The following CPAMD8 variants were observed in gnomAD, a reference collection of about 807,000 sequenced individuals.
CPAMD8 encodes the protein C3 and PZP like alpha-2-macroglobulin domain containing 8.
CPAMD8 carries 146 observed loss-of-function variants against 224.7 expected under a neutral mutation model. That is an observed-to-expected ratio of 0.65 (90% CI 0.57 to 0.75). CPAMD8 has a LOEUF of 0.75. Among genes scored for constraint, CPAMD8 ranks in the 30% least tolerant of loss-of-function variants. The probability of loss-of-function intolerance (pLI) is 0.00; values close to 1 mark genes in which losing one functional copy is unlikely to be tolerated. For missense variants in CPAMD8, 2,301 were observed against 2,537.5 expected, an observed-to-expected ratio of 0.91 and a Z score of 2.00; for synonymous variants, 966 against 1,044.6, an observed-to-expected ratio of 0.92 and a Z score of 1.45.
intron 26 of CPAMD8, among the ~76,000 whole-genome samples, chr19:16,923,266 C>T (rs551099367): frequency 5.3e-5 from 8 of 152,300 alleles, no homozygotes; most frequent in South Asian, 2.1e-4. Flanking sequence ...GCCAGTGGAC[C>T]GTAGGGTCTG....
chr19:17,007,259 G>C (rs1260764758), intron 7 of CPAMD8, among the ~76,000 whole-genome samples: 1 of 151,962 alleles, frequency 6.6e-6, no homozygotes, highest in Admixed American at 6.6e-5. Flanking sequence ...GCTTGAACCC[G>C]GGAGGCGGAG....
intron 19 of CPAMD8, 145 bp from the exon 20 acceptor site, chr19:16,952,345 C>A: frequency 3.2e-6 from 2 of 628,744 alleles, no homozygotes; most frequent in African/African-American, 1.9e-5. Context: ...ATCACAAAAG[C>A]GGCAACAGGA....
intron 41 of CPAMD8, 133 bp downstream of exon 41, chr19:16,896,043 A>C: frequency 2.1e-6 from 2 of 955,792 alleles, no homozygotes; most frequent in East Asian, 2.4e-5. Flanking sequence ...ACCCTGAGTC[A>C]CTCCCACTGC....
At chr19:16,931,326 C>A (rs183403950) in intron 23 of CPAMD8, among the ~76,000 whole-genome samples, 1 of 152,160 alleles carries the variant, frequency 6.6e-6, no homozygotes, top group African/African-American at 2.4e-5. Context: ...TCACCACAGC[C>A]GGCACCTGAG....
chr19:16,952,526 A>C (rs909009991), intron 19 of CPAMD8, among the ~76,000 whole-genome samples: 4 of 152,100 alleles, frequency 2.6e-5, no homozygotes, highest in African/African-American at 7.2e-5. Context: ...AAAATTTAAA[A>C]ATTAGGTGGG....
At chr19:17,002,438 C>A in intron 8 of CPAMD8, 88 bp from the exon 9 acceptor site, 1 of 806,718 alleles carries the variant, frequency 1.2e-6, no homozygotes, top group South Asian at 1.5e-5. Context: ...TGTCTGAGGA[C>A]CACAGCACCT....
chr19:16,939,049 A>G (rs2053790225), intron 22 of CPAMD8, among the ~76,000 whole-genome samples: 2 of 152,182 alleles, frequency 1.3e-5, no homozygotes, highest in Admixed American at 1.3e-4. Flanking sequence ...TCTGACCAAC[A>G]CGGCCCCTGT....
At position 16,929,082 on chromosome 19, in the gene CPAMD8, G is replaced by A. The variant is rs201306339; in HGVS notation, c.3004C>T (p.Leu1002=). The change falls in exon 24 of 42, where the codon CTG becomes TTG. Residue 1002 remains leucine, a synonymous_variant. Transcript: ENST00000443236. The stretch of plus-strand genomic sequence containing the variant: ...GACCTGGTGTTCTGATGCCCCCCCA[G>A]GACGATCTCGATCATGCCTGCTGTG... ...QDTAGMIEIV[L]GGHQNTRSWI... is the part of the protein sequence containing the mutation. The A allele has an allele frequency of 1.3e-4, 214 of 1,614,060 alleles. No individual in the cohort carries two copies. Among genetic ancestry groups the A allele is most frequent in the Admixed American group, 3.3e-4 (20 of 60,012 alleles).
At chr19:16,946,824 T>C (rs1381395940) in intron 21 of CPAMD8, among the ~76,000 whole-genome samples, 1 of 152,146 alleles carries the variant, frequency 6.6e-6, no homozygotes, top group Non-Finnish European at 1.5e-5. Flanking sequence ...TCTGCATGTG[T>C]GTGTGCTACA....
chr19:16,945,373 A>G (rs2054035454), intron 22 of CPAMD8, among the ~76,000 whole-genome samples, 176 bp downstream of exon 22: 1 of 152,170 alleles, frequency 6.6e-6, no homozygotes, highest in African/African-American at 2.4e-5. Flanking sequence ...ACGGACTACC[A>G]TGATCCTCTA....
chr19:16,982,223 A>G (rs2055540095), intron 13 of CPAMD8, among the ~76,000 whole-genome samples: 2 of 152,080 alleles, frequency 1.3e-5, no homozygotes, highest in South Asian at 4.1e-4. Flanking sequence ...GTGAAACCCC[A>G]TCTCTACAAA....
intron 23 of CPAMD8, among the ~76,000 whole-genome samples, chr19:16,930,591 C>T (rs1048830372): frequency 1.3e-5 from 2 of 152,102 alleles, no homozygotes; most frequent in African/African-American, 4.8e-5. Context: ...AGTAGCTCCC[C>T]AGTGTGAGGA....
intron 2 of CPAMD8, among the ~76,000 whole-genome samples, chr19:17,020,786 T>C (rs1454592461): frequency 6.6e-6 from 1 of 152,202 alleles, no homozygotes; most frequent in Non-Finnish European, 1.5e-5. Flanking sequence ...CACTAAATCA[T>C]TTGTGCTACT....
intron 27 of CPAMD8, among the ~76,000 whole-genome samples, chr19:16,919,039 T>C (rs1385334964): frequency 1.3e-5 from 2 of 151,594 alleles, no homozygotes; most frequent in Admixed American, 1.3e-4. Flanking sequence ...CCTGTCTCTA[T>C]TAAAAATACA....
rs58694833 is a variant in CPAMD8, at chr19:16,908,362, TAA to T, written c.3862-1247_3862-1246del. ...TGGGCAACAGAGTGAGACCTCATCT[TAA>T]AAAAAAAAAAAATAATAGAAATAAA... On this transcript the variant is annotated intron_variant, in intron 29 of 41. Coordinates refer to ENST00000443236, the MANE Select transcript of CPAMD8 (RefSeq NM_015692.5). 6.8e-3 allele frequency among the ~76,000 whole-genome samples: 980 copies of T among 144,604 alleles called. 4 individuals carry two copies. Among genetic ancestry groups the T allele is most frequent in the South Asian group, 0.024 (107 of 4,486 alleles). 94.9% of individuals were successfully genotyped at this position (144,604 alleles called of 152,430 possible).
At chr19:16,925,430 GGA>G in intron 25 of CPAMD8, 58 bp from the exon 26 acceptor site, 1 of 1,397,712 alleles carries the variant, frequency 7.2e-7, no homozygotes, top group Non-Finnish European at 1.0e-6. Flanking sequence ...TAGAGAACAG[GGA>G]CAGCTTTACC....
chr19:16,896,316 C>T lies in CPAMD8; in HGVS notation c.5286G>A (p.Leu1762=), dbSNP rs1056742988. ...PPSCCALEQR[L]PASSSSTYGD... ...CGTAGGTGGAGGACGACGAGGCCGG[C>T]AGCCGCTGCTCTGGAAGGAAGGGGG... Residue 1762 remains leucine (L), a synonymous_variant, in exon 41 of 42, where the codon CTG becomes CTA. Transcript: ENST00000443236. The T allele has an allele frequency of 1.9e-6, 3 of 1,607,570 alleles. No homozygotes were observed. The African/African-American group carries it at 4.0e-5, about 21-fold the overall frequency.
intron 1 of CPAMD8, 29 bp downstream of exon 1, chr19:17,026,522 G>T: frequency 2.0e-6 from 3 of 1,472,446 alleles, no homozygotes; most frequent in South Asian, 2.6e-5. Flanking sequence ...GAAGGCGACC[G>T]ACCTCCTCTG....
chr19:16,956,506 C>T (rs1026857265), intron 19 of CPAMD8, among the ~76,000 whole-genome samples: 7 of 152,032 alleles, frequency 4.6e-5, no homozygotes, highest in African/African-American at 1.7e-4. Flanking sequence ...GGGACTCTGT[C>T]TACCTTATTC....
Sources: allele counts gnomAD v4.1 joint callset (sites outside exome capture counted in the v4.1 genomes callset), GRCh38; gene constraint gnomAD v4.1.1; transcripts MANE v1.5; gene names NCBI Gene and HGNC (gene_info 2026-07-23, HGNC 2026-07-21).